MAP4K4: variants seen among roughly 807,000 people sequenced by gnomAD.
MAP4K4 encodes mitogen-activated protein kinase kinase kinase kinase 4, also known as HPK/GCK-like kinase HGK.
A neutral mutation model predicts 189.6 loss-of-function variants in MAP4K4; 38 were observed. The ratio of observed to expected loss-of-function variants is 0.20; its 90% CI spans 0.15 to 0.26. MAP4K4 has a LOEUF of 0.26. MAP4K4 is among the 10% of genes least tolerant of loss of function. The pLI, the probability that MAP4K4 is intolerant of heterozygous loss-of-function variation, is 1.00. For synonymous variants in MAP4K4, 610 were observed against 624.3 expected, an observed-to-expected ratio of 0.98 and a Z score of 0.34; for missense variants, 1,054 against 1,726.9, an observed-to-expected ratio of 0.61 and a Z score of 6.91.
intron 2 of MAP4K4, among the ~76,000 whole-genome samples, chr2:101,783,061 A>G (rs1302159108): frequency 6.6e-6 from 1 of 152,186 alleles, no homozygotes; most frequent in African/African-American, 2.4e-5. Context: ...AAATTCGGAA[A>G]GGGGAGTAGG....
intron 7 of MAP4K4, among the ~76,000 whole-genome samples, chr2:101,832,366 G>A (rs10489974): frequency 0.068 from 10,281 of 151,982 alleles, 450 homozygotes; most frequent in African/African-American, 0.12. Context: ...TCAAACTCAG[G>A]TTACTATGTT....
At chr2:101,837,494 A>C (rs1298707655) in intron 9 of MAP4K4, among the ~76,000 whole-genome samples, 1 of 151,982 alleles carries the variant, frequency 6.6e-6, no homozygotes, top group African/African-American at 2.4e-5. Flanking sequence ...CGTGTTTAGA[A>C]TGGTTTTTAT....
At chr2:101,813,249 C>T (rs2095537839) in intron 3 of MAP4K4, among the ~76,000 whole-genome samples, 1 of 152,180 alleles carries the variant, frequency 6.6e-6, no homozygotes, top group South Asian at 2.1e-4. Context: ...CAACAATAAT[C>T]TTTTAAAATT....
At chr2:101,784,785 T>C (rs1454524419) in intron 2 of MAP4K4, among the ~76,000 whole-genome samples, 1 of 152,230 alleles carries the variant, frequency 6.6e-6, no homozygotes, top group Non-Finnish European at 1.5e-5. Context: ...GCAGTTCCTA[T>C]GTAAGTTGGT....
chr2:101,809,123 T>A (rs184804769), intron 3 of MAP4K4, among the ~76,000 whole-genome samples: 11 of 152,340 alleles, frequency 7.2e-5, no homozygotes, highest in Non-Finnish European at 1.5e-5. Context: ...TCTTGTTTAG[T>A]CTCAACTACA....
chr2:101,838,239 G>T (rs1016764715), intron 9 of MAP4K4, among the ~76,000 whole-genome samples: 4 of 152,112 alleles, frequency 2.6e-5, no homozygotes, highest in African/African-American at 9.7e-5. Flanking sequence ...TCTGGTCTGG[G>T]GAGTGACTCA....
intron 12 of MAP4K4, among the ~76,000 whole-genome samples, chr2:101,851,939 G>A (rs577320947): frequency 1.3e-5 from 2 of 151,746 alleles, no homozygotes; most frequent in South Asian, 2.1e-4. Flanking sequence ...TATCTGTGGT[G>A]CTTAATAAGT....
intron 2 of MAP4K4, among the ~76,000 whole-genome samples, chr2:101,745,298 A>C (rs1245993723): frequency 6.7e-6 from 1 of 150,294 alleles, no homozygotes; most frequent in Non-Finnish European, 1.5e-5. Flanking sequence ...AATAAATTGA[A>C]TCAGAAATAT....
chr2:101,782,070 A>G (rs2087884989), intron 2 of MAP4K4, among the ~76,000 whole-genome samples: 1 of 152,230 alleles, frequency 6.6e-6, no homozygotes, highest in Admixed American at 6.5e-5. Flanking sequence ...AGTGATCATA[A>G]TGATTTCCCT....
chr2:101,856,269 C>A (rs553119429), intron 13 of MAP4K4, 131 bp downstream of exon 13: 19 of 790,126 alleles, frequency 2.4e-5, no homozygotes, highest in Non-Finnish European at 3.5e-5. Context: ...ATACTTAGAA[C>A]TTCAGATGTA....
chr2:101,888,626 TGGTTAC>T, intron 31 of MAP4K4, among the ~76,000 whole-genome samples, 164 bp from the exon 32 acceptor site: 1 of 152,280 alleles, frequency 6.6e-6, no homozygotes. Flanking sequence ...ATAGGCAAGG[TGGTTAC>T]AAAGGCAGAG....
chr2:101,819,422 T>G (rs2095907156), intron 3 of MAP4K4, among the ~76,000 whole-genome samples: 2 of 152,236 alleles, frequency 1.3e-5, no homozygotes, highest in South Asian at 4.1e-4. Flanking sequence ...GTATTTCTAG[T>G]GTTTTTTCCT....
chr2:101,828,178 G>A (rs1284694199), intron 5 of MAP4K4, among the ~76,000 whole-genome samples: 1 of 152,208 alleles, frequency 6.6e-6, no homozygotes, highest in Admixed American at 6.5e-5. Flanking sequence ...AAGAGTGCAT[G>A]CAAGCCACAT....
rs1285108981 is a variant in MAP4K4 at position 101,711,296 on chromosome 2, A to T, written c.123+12758A>T. On this transcript the variant is annotated intron_variant, in intron 2 of 32. Coordinates refer to ENST00000324219, the Ensembl canonical transcript of MAP4K4. ...GGTTATATAACAAAATAATTAAAAG[A>T]TAAAGTTTTTTTGCTTTTTTTTTTA... 5.3e-5 allele frequency among the ~76,000 whole-genome samples: 8 copies of T among 152,262 alleles called. No homozygotes were observed. The South Asian group carries it at 1.2e-3, about 24-fold the overall frequency.
chr2:101,835,172 T>G (rs1009360842), intron 8 of MAP4K4, among the ~76,000 whole-genome samples: 4 of 152,266 alleles, frequency 2.6e-5, no homozygotes, highest in Non-Finnish European at 4.4e-5. Context: ...TACATTCCCC[T>G]GTGCTTCCCT....
chr2:101,797,354 C>G, intron 3 of MAP4K4: 1 of 1,290,830 alleles, frequency 7.7e-7, no homozygotes, highest in Non-Finnish European at 1.0e-6. Context: ...CTCTGGCAGA[C>G]TTACCACAGG....
At chr2:101,862,508 A>G (rs2097696295) in intron 16 of MAP4K4, among the ~76,000 whole-genome samples, 3 of 152,316 alleles carry the variant, frequency 2.0e-5, no homozygotes, top group African/African-American at 4.8e-5. Flanking sequence ...CTTGAAGATT[A>G]AAAGTTTTCA....
chr2:101,869,262 A>G (rs1385431582), intron 21 of MAP4K4, among the ~76,000 whole-genome samples: 2 of 152,024 alleles, frequency 1.3e-5, no homozygotes, highest in African/African-American at 2.4e-5. Flanking sequence ...CCTTACAACA[A>G]AGTCCAAGAG....
rs185835733 is a variant in MAP4K4 at position 101,854,402 on chromosome 2, G to T, written c.1234-1575G>T. Among the ~76,000 whole-genome samples, 201 of 152,258 alleles carry T rather than the reference G, an allele frequency of 1.3e-3. 2 individuals are homozygous for T. Among genetic ancestry groups the T allele is most frequent in the African/African-American group, 4.6e-3 (191 of 41,550 alleles). Reference sequence around the variant, plus strand: ...CCCATGGGAAGCTGATGAGTTTTGTGTATTGAATTCGAAGAGCAGAGAATG... The same window carrying T: ...CCCATGGGAAGCTGATGAGTTTTGTTTATTGAATTCGAAGAGCAGAGAATG... On this transcript the variant is annotated intron_variant, in intron 12 of 32. Coordinates refer to ENST00000324219, the Ensembl canonical transcript of MAP4K4.
Sources: allele counts gnomAD v4.1 joint callset (sites outside exome capture counted in the v4.1 genomes callset), GRCh38; gene constraint gnomAD v4.1.1; transcripts MANE v1.5; gene names NCBI Gene and HGNC (gene_info 2026-07-23, HGNC 2026-07-21).